Variants in SH3BP5 observed in about 807,000 individuals in gnomAD.
SH3BP5 encodes the protein SH3 domain binding protein 5.
SH3BP5 carries 22 observed loss-of-function variants against 43.3 expected under a neutral mutation model. The observed-to-expected ratio is 0.51, with a 90% CI of 0.36 to 0.73. The LOEUF (loss-of-function observed/expected upper bound fraction) is 0.73, where lower values mean the gene tolerates loss of function less well. Ranked by LOEUF, SH3BP5 falls within the 30% of genes least tolerant of loss-of-function variation. The pLI is 0.00. For missense variants in SH3BP5, 529 were observed against 586.9 expected (o/e 0.90, Z 1.02); for synonymous variants, 255 against 225.8 (o/e 1.13, Z -1.16).
In SH3BP5 at chr3:15,332,419, G is replaced by C. The variant is rs941058754; in HGVS notation, c.-11C>G. On this transcript the variant is annotated 5_prime_UTR_variant, in exon 1 of 9. Coordinates refer to ENST00000383791, the MANE Select transcript of SH3BP5 (RefSeq NM_004844.5). ...CAGTGCCGCGTCCATGCAGGCAGCC[G>C]GCACGCGCGCCGCGCAGTGGGCTCC... The C allele has an allele frequency of 6.5e-6, 10 of 1,530,506 alleles. No homozygotes were observed. The Admixed American group carries it at 1.8e-4, about 27-fold the overall frequency. The allele number at this position is 1,530,506 out of a possible 1,614,324, so 94.8% of individuals were successfully genotyped here.
chr3:15,256,858 TCTA>T lies in SH3BP5; in HGVS notation c.1142_1144del (p.Val381del). The T allele has an allele frequency of 2.5e-6, 4 of 1,609,172 alleles. No homozygotes were observed. The highest frequency in any genetic ancestry group is 3.4e-6 in the Non-Finnish European group (4 of 1,176,246). ...GTGAGAAGGCTGCTACTCACCTCGTTCTACTTCACATTCAGGGGAGGAGGCCCC... is the reference window on the plus strand; with the variant it reads ...GTGAGAAGGCTGCTACTCACCTCGTTCTTCACATTCAGGGGAGGAGGCCCC... On this transcript the variant is annotated inframe_deletion, in exon 8 of 9. Transcript: ENST00000383791.
At chr3:15,304,454 G>A (rs2125112025) in intron 2 of SH3BP5, among the ~76,000 whole-genome samples, 1 of 152,360 alleles carries the variant, frequency 6.6e-6, no homozygotes, top group South Asian at 2.1e-4. Context: ...GCGGCCACCA[G>A]CCACGTGTGG....
intron 3 of SH3BP5, among the ~76,000 whole-genome samples, chr3:15,285,349 T>G (rs768847543): frequency 2.6e-5 from 4 of 152,150 alleles, no homozygotes; most frequent in Non-Finnish European, 4.4e-5. Context: ...CAGAAAGTCA[T>G]GTCATATGAA....
intron 2 of SH3BP5, among the ~76,000 whole-genome samples, chr3:15,304,733 T>G (rs1423422446): frequency 1.3e-5 from 2 of 149,262 alleles, no homozygotes; most frequent in African/African-American, 5.0e-5. Context: ...AAGAATCTCT[T>G]GAACCCAGGA....
chr3:15,336,309 G>T (rs73027572), upstream of SH3BP5, among the ~76,000 whole-genome samples: 27 of 152,084 alleles, frequency 1.8e-4, no homozygotes, highest in Non-Finnish European at 3.4e-4. Flanking sequence ...GAGAGAGGGA[G>T]GGAGATGAAA....
Position 15,311,625 on chromosome 3 carries a change from C to T in SH3BP5, c.202-7394G>A, listed in dbSNP as rs533152630. On this transcript the variant is annotated intron_variant, in intron 2 of 8. Coordinates refer to ENST00000383791, the MANE Select transcript of SH3BP5 (RefSeq NM_004844.5). ...GACCTAATGTCTTTGCATAAAGTCA[C>T]AGGACTATCAAGTGTCAAGCGTTAG... Among the ~76,000 whole-genome samples the T allele has an allele frequency of 2.0e-5, 3 of 152,268 alleles. No homozygotes were observed. In the South Asian group the frequency reaches 6.2e-4, roughly 32 times the overall value.
chr3:15,336,318 A>C (rs894397222), upstream of SH3BP5, among the ~76,000 whole-genome samples: 3 of 152,122 alleles, frequency 2.0e-5, no homozygotes, highest in Non-Finnish European at 4.4e-5. Context: ...AGGGAGATGA[A>C]ATCAGAGGCA....
At position 15,256,943 on chromosome 3, in the gene SH3BP5, A is replaced by G. The variant is rs553649315; in HGVS notation, c.1060T>C (p.Ser354Pro). The G allele has an allele frequency of 1.2e-6, 2 of 1,614,182 alleles. No individual in the cohort carries two copies. The highest frequency in any genetic ancestry group is 3.3e-5 in the Admixed American group (2 of 60,024). The change falls in exon 8 of 9, where the codon TCC (serine) becomes CCC (proline). Residue 354 changes from serine to proline, a missense_variant. Physicochemically the swap from Ser to Pro is moderately conservative, Grantham distance 74. Around this residue, in one of 3 missense-constraint regions of SH3BP5, gnomAD observed 369 missense variants for 384.3 expected, o/e 0.96. Transcript: ENST00000383791. Reference protein sequence around the residue: ...PGSLDLPSPVSLSEFGMMFPV... With the variant: ...PGSLDLPSPVPLSEFGMMFPV... Reference sequence around the variant, plus strand: ...AACATCATCCCAAACTCTGACAGGGACACAGGGCTGGGCAGATCCAGGCTG... The same window carrying G: ...AACATCATCCCAAACTCTGACAGGGGCACAGGGCTGGGCAGATCCAGGCTG...
chr3:15,334,738 C>T (rs1402908289), upstream of SH3BP5, among the ~76,000 whole-genome samples: 3 of 151,788 alleles, frequency 2.0e-5, no homozygotes, highest in African/African-American at 7.3e-5. Context: ...GTTGCTTGAG[C>T]TCAGGAGTTC....
upstream of SH3BP5, among the ~76,000 whole-genome samples, chr3:15,336,412 C>G: frequency 6.6e-6 from 1 of 152,114 alleles, no homozygotes; most frequent in East Asian, 1.9e-4. Flanking sequence ...TGTAATAACT[C>G]TGGCTAGTGT....
At position 15,255,099 on chromosome 3, in the gene SH3BP5, TAAAG is replaced by T. The variant is rs1207362443; in HGVS notation, c.*983_*986del. ...TAAATATGCATTACCATGAAAACGT[TAAAG>T]AAAAGCAGTCTTAACACTTAACTAC... On this transcript the variant is annotated 3_prime_UTR_variant, in exon 9 of 9. Coordinates refer to ENST00000383791, the MANE Select transcript of SH3BP5 (RefSeq NM_004844.5). The T allele has an allele frequency of 1.3e-5, 2 of 152,766 alleles. No individual in the cohort carries two copies. The highest frequency in any genetic ancestry group is 1.9e-4 in the East Asian group (1 of 5,188). 9.5% of individuals were successfully genotyped at this position (152,766 alleles called of 1,614,324 possible).
At chr3:15,327,301 G>T (rs1375073032) in intron 2 of SH3BP5, among the ~76,000 whole-genome samples, 1 of 152,196 alleles carries the variant, frequency 6.6e-6, no homozygotes, top group East Asian at 1.9e-4. Context: ...TCGGGAGGCT[G>T]AGGCAGGAGA....
chr3:15,265,216 A>G (rs762732126), intron 4 of SH3BP5, among the ~76,000 whole-genome samples: 2 of 152,102 alleles, frequency 1.3e-5, no homozygotes, highest in African/African-American at 4.8e-5. Flanking sequence ...TCATATATAT[A>G]CAAAACCTCC....
intron 3 of SH3BP5, among the ~76,000 whole-genome samples, chr3:15,270,182 C>T (rs931178169): frequency 6.6e-6 from 1 of 152,224 alleles, no homozygotes; most frequent in Non-Finnish European, 1.5e-5. Context: ...GTACAGCCAA[C>T]CCCACAGCCT....
chr3:15,319,167 T>G (rs1045814081), intron 2 of SH3BP5, among the ~76,000 whole-genome samples: 2 of 152,178 alleles, frequency 1.3e-5, no homozygotes, highest in Non-Finnish European at 2.9e-5. Context: ...CATGCCATAA[T>G]TTTTTTCTCA....
At chr3:15,313,303 T>C (rs1460288638) in intron 2 of SH3BP5, among the ~76,000 whole-genome samples, 3 of 151,920 alleles carry the variant, frequency 2.0e-5, no homozygotes, top group Admixed American at 6.6e-5. Flanking sequence ...AAAGACAACG[T>C]GGAATAAATA....
At chr3:15,270,364 G>GAT (rs1696764728) in intron 3 of SH3BP5, among the ~76,000 whole-genome samples, 1 of 152,164 alleles carries the variant, frequency 6.6e-6, no homozygotes, top group Non-Finnish European at 1.5e-5. Flanking sequence ...AGATCACACA[G>GAT]CTGACTAGAT....
intron 1 of SH3BP5, 118 bp downstream of exon 1, chr3:15,332,153 T>C: frequency 6.8e-7 from 1 of 1,473,960 alleles, no homozygotes; most frequent in Non-Finnish European, 9.1e-7. Flanking sequence ...CCACCCTATG[T>C]GGCCGCCAGT....
chr3:15,326,869 T>A (rs1295257592), intron 2 of SH3BP5, among the ~76,000 whole-genome samples: 1 of 152,186 alleles, frequency 6.6e-6, no homozygotes, highest in Non-Finnish European at 1.5e-5. Context: ...AAATACATGT[T>A]AGGTGAGTGG....
Sources: gnomAD v4.1 joint callset for allele counts (sites outside exome capture counted in the v4.1 genomes callset) on GRCh38, gnomAD v4.1.1 for gene constraint, gnomAD v4.1.1 regional missense constraint, MANE v1.5 for transcripts, NCBI Gene and HGNC (gene_info 2026-07-23, HGNC 2026-07-21) for gene names.